CADM2: variants seen among roughly 807,000 people sequenced by gnomAD.
CADM2 encodes the protein cell adhesion molecule 2.
CADM2 carries 12 observed loss-of-function variants against 49.8 expected under a neutral mutation model. The ratio of observed to expected loss-of-function variants is 0.24; its 90% CI spans 0.15 to 0.39. The LOEUF is 0.39. CADM2 is among the 10% of genes least tolerant of loss of function. The pLI is 1.00. For synonymous variants in CADM2, 214 were observed against 175.4 expected, an observed-to-expected ratio of 1.22 and a Z score of -1.74; for missense variants, 378 against 492.3, an observed-to-expected ratio of 0.77 and a Z score of 2.20.
chr3:85,260,291 T>G (rs1361722566), intron 1 of CADM2, among the ~76,000 whole-genome samples: 1 of 152,134 alleles, frequency 6.6e-6, no homozygotes, highest in Non-Finnish European at 1.5e-5. Context: ...ATTTTGATTA[T>G]TGACACACAC....
chr3:85,645,981 A>G (rs2064870670), intron 1 of CADM2, among the ~76,000 whole-genome samples: 1 of 152,028 alleles, frequency 6.6e-6, no homozygotes, highest in Non-Finnish European at 1.5e-5. Flanking sequence ...TTCATGAGTT[A>G]GGACAGTAAA....
At chr3:86,038,614 T>A (rs1367786291) in intron 8 of CADM2, among the ~76,000 whole-genome samples, 1 of 152,212 alleles carries the variant, frequency 6.6e-6, no homozygotes, top group East Asian at 1.9e-4. Flanking sequence ...ATCTTCTCAA[T>A]AATAAATTAC....
chr3:85,422,796 A>G (rs886275703), intron 1 of CADM2, among the ~76,000 whole-genome samples: 11 of 151,884 alleles, frequency 7.2e-5, no homozygotes, highest in African/African-American at 2.7e-4. Context: ...GAGAACACAC[A>G]GGTGAGCAGG....
At chr3:85,395,296 CAAAAAA>C (rs58315220) in intron 1 of CADM2, among the ~76,000 whole-genome samples, 4 of 75,542 alleles carry the variant, frequency 5.3e-5, no homozygotes, top group Non-Finnish European at 8.2e-5. Flanking sequence ...AGACTCCATA[CAAAAAA>C]AAAAAAAAAA....
intron 1 of CADM2, among the ~76,000 whole-genome samples, chr3:85,505,391 G>A (rs2040303341): frequency 6.6e-6 from 1 of 152,204 alleles, no homozygotes; most frequent in African/African-American, 2.4e-5. Flanking sequence ...TGAAAATCTA[G>A]GAGGGGAATC....
At chr3:85,541,677 C>A (rs1381266139) in intron 1 of CADM2, among the ~76,000 whole-genome samples, 3 of 144,340 alleles carry the variant, frequency 2.1e-5, no homozygotes, top group Non-Finnish European at 3.0e-5. Flanking sequence ...AAATCTGAAT[C>A]TTGAATTGTT....
At chr3:85,951,508 T>C (rs1482187521) in intron 7 of CADM2, among the ~76,000 whole-genome samples, 3 of 151,022 alleles carry the variant, frequency 2.0e-5, no homozygotes, top group Non-Finnish European at 4.5e-5. Flanking sequence ...GTACTAACTA[T>C]ATTAAGATGC....
chr3:85,325,687 T>TA (rs2044732288), intron 1 of CADM2, among the ~76,000 whole-genome samples: 173 of 79,796 alleles, frequency 2.2e-3, no homozygotes, highest in African/African-American at 7.8e-3. Flanking sequence ...CAAGACTCCA[T>TA]CAAAAAAAAA....
At chr3:85,138,490 A>T (rs1404678914) in intron 1 of CADM2, among the ~76,000 whole-genome samples, 1 of 152,216 alleles carries the variant, frequency 6.6e-6, no homozygotes, top group Non-Finnish European at 1.5e-5. Flanking sequence ...GGGCAAAGAT[A>T]TAAAGTAAAA....
intron 1 of CADM2, among the ~76,000 whole-genome samples, chr3:85,424,331 T>A (rs2036302992): frequency 6.6e-6 from 1 of 151,432 alleles, no homozygotes; most frequent in African/African-American, 2.4e-5. Flanking sequence ...ATAATATATA[T>A]GTCTTCTATA....
At chr3:85,451,556 G>C (rs936430626) in intron 1 of CADM2, among the ~76,000 whole-genome samples, 9 of 151,986 alleles carry the variant, frequency 5.9e-5, no homozygotes, top group African/African-American at 2.2e-4. Context: ...TGGGATTGCA[G>C]ACCCATCATA....
intron 1 of CADM2, among the ~76,000 whole-genome samples, chr3:85,613,999 A>C (rs1680008763): frequency 6.6e-6 from 1 of 151,696 alleles, no homozygotes; most frequent in Non-Finnish European, 1.5e-5. Context: ...ATTATTAGTA[A>C]AAATTGTATT....
chr3:85,711,287 A>T (rs2067110077), intron 1 of CADM2, among the ~76,000 whole-genome samples: 1 of 152,114 alleles, frequency 6.6e-6, no homozygotes, highest in African/African-American at 2.4e-5. Flanking sequence ...AACATTCTGG[A>T]TCTTTCTCTT....
chr3:85,918,574 T>G (rs2108497869), intron 6 of CADM2, among the ~76,000 whole-genome samples: 1 of 152,256 alleles, frequency 6.6e-6, no homozygotes, highest in Non-Finnish European at 1.5e-5. Flanking sequence ...TATTGAGGAT[T>G]TTTGCATCAG....
intron 1 of CADM2, among the ~76,000 whole-genome samples, chr3:85,191,525 A>G (rs2041207586): frequency 6.6e-6 from 1 of 152,072 alleles, no homozygotes; most frequent in African/African-American, 2.4e-5. Flanking sequence ...TAAATTACAT[A>G]ATTTACTCAA....
At chr3:85,740,955 G>A (rs2068355874) in intron 2 of CADM2, among the ~76,000 whole-genome samples, 1 of 152,128 alleles carries the variant, frequency 6.6e-6, no homozygotes, top group Non-Finnish European at 1.5e-5. Context: ...GTCCAAATAA[G>A]CCTAGGTAAT....
chr3:85,471,798 A>G (rs1018369034), intron 1 of CADM2, among the ~76,000 whole-genome samples: 16 of 149,182 alleles, frequency 1.1e-4, no homozygotes, highest in Admixed American at 6.1e-4. Context: ...GACAGTGGAA[A>G]AATACAAAAG....
At chr3:85,060,526 A>T (rs941882062) in intron 1 of CADM2, among the ~76,000 whole-genome samples, 1 of 152,196 alleles carries the variant, frequency 6.6e-6, no homozygotes, top group Non-Finnish European at 1.5e-5. Flanking sequence ...AGTTATGGTA[A>T]ATGAAAATGT....
At chr3:85,088,542 G>A (rs1435959460) in intron 1 of CADM2, among the ~76,000 whole-genome samples, 2 of 152,030 alleles carry the variant, frequency 1.3e-5, no homozygotes, top group African/African-American at 4.8e-5. Context: ...AGAATCAAGA[G>A]AGTAAGAGCA....
Sources: allele counts gnomAD v4.1 joint callset (sites outside exome capture counted in the v4.1 genomes callset), GRCh38; gene constraint gnomAD v4.1.1; transcripts MANE v1.5; gene names NCBI Gene and HGNC (gene_info 2026-07-23, HGNC 2026-07-21).